The following PTPRM variants were observed in gnomAD, a reference collection of about 807,000 sequenced individuals.
PTPRM encodes receptor-type tyrosine-protein phosphatase mu.
PTPRM carries 47 observed loss-of-function variants against 186.7 expected under a neutral mutation model. The observed-to-expected ratio is 0.25, with a 90% CI of 0.20 to 0.32. The LOEUF (loss-of-function observed/expected upper bound fraction) is 0.32. PTPRM is among the 10% of genes least tolerant of loss of function. PTPRM has a pLI of 1.00. For missense variants in PTPRM, 1,494 were observed against 1,865.0 expected, an observed-to-expected ratio of 0.80 and a Z score of 3.66; for synonymous variants, 668 against 674.9, an observed-to-expected ratio of 0.99 and a Z score of 0.16.
intron 14 of PTPRM, chr18:8,155,105 T>G (rs990282021): frequency 6.8e-6 from 1 of 147,318 alleles, no homozygotes; most frequent in Admixed American, 7.1e-5. Flanking sequence ...ATAAAATAAC[T>G]TGAATAGGAC....
chr18:7,758,939 G>A (rs1475906301), intron 1 of PTPRM, among the ~76,000 whole-genome samples: 1 of 151,950 alleles, frequency 6.6e-6, no homozygotes, highest in Non-Finnish European at 1.5e-5. Context: ...GGCAAATTCA[G>A]TACAGCAAAT....
At chr18:8,130,306 G>A (rs1300157614) in intron 13 of PTPRM, among the ~76,000 whole-genome samples, 3 of 152,156 alleles carry the variant, frequency 2.0e-5, no homozygotes, top group Non-Finnish European at 4.4e-5. Context: ...TTGAGTGAGA[G>A]CCGTTGTCCA....
chr18:8,033,971 T>C (rs959629463), intron 7 of PTPRM, among the ~76,000 whole-genome samples: 4 of 152,142 alleles, frequency 2.6e-5, no homozygotes, highest in African/African-American at 7.2e-5. Flanking sequence ...TGCTGGTTCA[T>C]TGGTTTCATC....
At chr18:8,151,975 A>G (rs1192158520) in intron 14 of PTPRM, among the ~76,000 whole-genome samples, 2 of 152,166 alleles carry the variant, frequency 1.3e-5, no homozygotes, top group East Asian at 1.9e-4. Flanking sequence ...CTCGCCCTCC[A>G]TGGGCTGCAC....
intron 2 of PTPRM, among the ~76,000 whole-genome samples, chr18:7,873,267 A>G (rs1364823633): frequency 6.6e-6 from 1 of 152,178 alleles, no homozygotes; most frequent in Non-Finnish European, 1.5e-5. Context: ...GATGACCCTA[A>G]TAGCTTCTAA....
chr18:8,378,451 C>T, intron 27 of PTPRM, 37 bp downstream of exon 27: 1 of 1,605,258 alleles, frequency 6.2e-7, no homozygotes, highest in Non-Finnish European at 8.5e-7. Context: ...TGCACGGTGA[C>T]TTGCTCCTCA....
chr18:8,111,902 C>T (rs975055604), intron 11 of PTPRM, among the ~76,000 whole-genome samples: 2 of 151,734 alleles, frequency 1.3e-5, no homozygotes, highest in East Asian at 3.9e-4. Flanking sequence ...AGAATGGTCA[C>T]GCTTCCTTAG....
intron 2 of PTPRM, among the ~76,000 whole-genome samples, chr18:7,860,384 T>A (rs1300524392): frequency 2.0e-5 from 3 of 152,180 alleles, no homozygotes; most frequent in East Asian, 3.9e-4. Flanking sequence ...GCCAGTTTTT[T>A]AAGTTTTTCT....
rs182563712 is a variant in PTPRM, at chr18:7,898,033, T to C, written c.469-8472T>C. Among the ~76,000 whole-genome samples the C allele has an allele frequency of 8.7e-4, 132 of 152,348 alleles. 1 individual carries two copies. Among genetic ancestry groups the C allele is most frequent in the East Asian group, 3.7e-3 (19 of 5,182 alleles). ...TTTCTCAAAGTAGATTTTTATTTTA[T>C]TTTCTGATAACATGTCAATACAAAC... On this transcript the variant is annotated intron_variant, in intron 3 of 32. Coordinates refer to ENST00000580170, the MANE Select transcript of PTPRM (RefSeq NM_001105244.2).
At chr18:8,116,340 G>A (rs2091956566) in intron 13 of PTPRM, among the ~76,000 whole-genome samples, 1 of 152,194 alleles carries the variant, frequency 6.6e-6, no homozygotes, top group South Asian at 2.1e-4. Flanking sequence ...TCATGCGTGT[G>A]TTCTCATTTA....
chr18:7,740,961 T>C lies in PTPRM; in HGVS notation c.74-33188T>C, dbSNP rs536523745. ...AGCTGAAGCAGGGAGTAGGGCATGATTGAGTTCTCATTTTAATGCTTCTCT... is the reference window on the plus strand; with the variant it reads ...AGCTGAAGCAGGGAGTAGGGCATGACTGAGTTCTCATTTTAATGCTTCTCT... On this transcript the variant is annotated intron_variant, in intron 1 of 32. Coordinates refer to ENST00000580170, the MANE Select transcript of PTPRM (RefSeq NM_001105244.2). 3.9e-5 allele frequency among the ~76,000 whole-genome samples: 6 copies of C among 152,248 alleles called. No individual in the cohort carries two copies. The East Asian group carries it at 5.8e-4, about 15-fold the overall frequency.
chr18:8,023,718 T>C (rs890527550), intron 7 of PTPRM, among the ~76,000 whole-genome samples: 1 of 151,798 alleles, frequency 6.6e-6, no homozygotes, highest in South Asian at 2.1e-4. Flanking sequence ...ACAGGAAAAC[T>C]TTTTTAAAAA....
chr18:7,826,505 G>A (rs1441000), intron 2 of PTPRM, among the ~76,000 whole-genome samples: 79,036 of 152,058 alleles, frequency 0.52, 22,235 homozygotes, highest in East Asian at 0.78. Flanking sequence ...ACATAGAAAA[G>A]TGGTTTATTT....
intron 29 of PTPRM, 82 bp from the exon 30 acceptor site, chr18:8,384,479 G>C (rs1008595085): frequency 6.7e-7 from 1 of 1,485,668 alleles, no homozygotes. Context: ...GGATTACTGA[G>C]TGTCAATACT....
chr18:8,085,546 A>G lies in PTPRM; in HGVS notation c.1552-125A>G, dbSNP rs1177402847. 20 of 803,020 alleles carry G rather than the reference A, an allele frequency of 2.5e-5. 1 individual carries two copies. Among genetic ancestry groups the G allele is most frequent in the South Asian group, 1.7e-4 (10 of 58,114 alleles). 49.7% of individuals were successfully genotyped at this position (803,020 alleles called of 1,614,324 possible). ...TCCCTTCAGTGGATTCAGGATTTCA[A>G]GAGTCTGAGTAGGAGCTTATCATAA... is the stretch of plus-strand genomic sequence containing the variant. On this transcript the variant is annotated intron_variant, in intron 9 of 32. Transcript: ENST00000580170.
chr18:7,617,121 C>T (rs1481959265), intron 1 of PTPRM, among the ~76,000 whole-genome samples: 1 of 152,152 alleles, frequency 6.6e-6, no homozygotes, highest in Non-Finnish European at 1.5e-5. Context: ...TTCAGGACCC[C>T]ATACTGTAGC....
intron 3 of PTPRM, among the ~76,000 whole-genome samples, chr18:7,889,513 T>A (rs1245989268): frequency 2.6e-5 from 4 of 151,820 alleles, no homozygotes; most frequent in South Asian, 4.1e-4. Flanking sequence ...TTTTTTATAT[T>A]TTTTTTGTAG....
At chr18:8,330,556 G>T (rs1265466747) in intron 22 of PTPRM, among the ~76,000 whole-genome samples, 1 of 152,264 alleles carries the variant, frequency 6.6e-6, no homozygotes, top group African/African-American at 2.4e-5. Context: ...AGCCCCTGAA[G>T]CATATGAATA....
rs536524270 is a variant in PTPRM at position 7,945,363 on chromosome 18, C to T, written c.664-3818C>T. Among the ~76,000 whole-genome samples the T allele has an allele frequency of 2.0e-5, 3 of 151,392 alleles. No individual in the cohort carries two copies. The South Asian group carries it at 6.3e-4, about 32-fold the overall frequency. ...CGTGTAGTCCCAGCTATTTGGGAGG[C>T]AGAGGCAGGGAGAATGGCGTGAACC... On this transcript the variant is annotated intron_variant, in intron 5 of 32. Transcript: ENST00000580170.
Sources: allele counts gnomAD v4.1 joint callset (sites outside exome capture counted in the v4.1 genomes callset), GRCh38; gene constraint gnomAD v4.1.1; transcripts MANE v1.5; gene names NCBI Gene and HGNC (gene_info 2026-07-23, HGNC 2026-07-21).